Variants in CORIN observed in about 807,000 individuals in gnomAD.
CORIN encodes the protein atrial natriuretic peptide-converting enzyme.
A neutral mutation model predicts 125.3 loss-of-function variants in CORIN; 117 were observed. That is an observed-to-expected ratio of 0.93 (90% CI 0.80 to 1.09). The LOEUF is 1.09. CORIN is among the 50% of genes least tolerant of loss of function. The pLI is 0.00. For synonymous variants in CORIN, 450 were observed against 466.4 expected, an observed-to-expected ratio of 0.96 and a Z score of 0.45; for missense variants, 1,253 against 1,306.7, an observed-to-expected ratio of 0.96 and a Z score of 0.63.
chr4:47,828,605 C>A (rs75531598), intron 1 of CORIN, among the ~76,000 whole-genome samples: 18,728 of 152,106 alleles, frequency 0.12, 1,569 homozygotes, highest in Admixed American at 0.21. Context: ...AGATAATCTC[C>A]CCATCTCAAA....
At position 47,806,890 on chromosome 4, in the gene CORIN, T is replaced by C. The variant is rs1177814479; in HGVS notation, c.208+13A>G. On this transcript the variant is annotated intron_variant, in intron 2 of 21. Transcript: ENST00000273857. ...CTTTAACTTCATTTTTATTTAATAA[T>C]GGCCTCACCCACCAACATAGGAAAG... The C allele has an allele frequency of 6.2e-7, 1 of 1,602,376 alleles. No individual in the cohort carries two copies.
intron 2 of CORIN, among the ~76,000 whole-genome samples, chr4:47,797,446 C>T (rs1298852110): frequency 6.6e-6 from 1 of 151,806 alleles, no homozygotes; most frequent in African/African-American, 2.4e-5. Context: ...AAAGGCCTGT[C>T]AAACTTGCCA....
chr4:47,793,130 C>T (rs1731150424), intron 2 of CORIN, among the ~76,000 whole-genome samples: 1 of 152,100 alleles, frequency 6.6e-6, no homozygotes, highest in Non-Finnish European at 1.5e-5. Context: ...TGATGATTTC[C>T]TCCAGATGCC....
At position 47,693,050 on chromosome 4, in the gene CORIN, G is replaced by A. The variant is rs776140319; in HGVS notation, c.833C>T (p.Ala278Val). ...TTTCCCGGGGATGCAGATTCCACTG[G>A]CACACAGAAAGTTCTCACCCCTTCC... ...LCGRGENFLC[A>V]SGICIPGKLQ... is the part of the protein sequence containing the mutation. Residue 278 changes from alanine (A) to valine (V), a missense_variant, in exon 6 of 22, where the codon GCC becomes GTC. Coordinates refer to ENST00000273857, the MANE Select transcript of CORIN (RefSeq NM_006587.4). The A allele has an allele frequency of 9.9e-6, 16 of 1,613,216 alleles. No homozygotes were observed. The highest frequency in any genetic ancestry group is 1.4e-5 in the Non-Finnish European group (16 of 1,179,648).
chr4:47,745,325 T>C (rs1728613954), intron 4 of CORIN, among the ~76,000 whole-genome samples: 1 of 152,190 alleles, frequency 6.6e-6, no homozygotes, highest in Non-Finnish European at 1.5e-5. Flanking sequence ...CAGGTAATTG[T>C]TTCTACTTTA....
At chr4:47,676,239 G>A (rs528589935) in intron 9 of CORIN, among the ~76,000 whole-genome samples, 3 of 152,114 alleles carry the variant, frequency 2.0e-5, no homozygotes, top group Admixed American at 6.6e-5. Flanking sequence ...GCCCCCTTTC[G>A]TTCTCAGCTC....
At chr4:47,817,100 T>G (rs1179238396) in intron 1 of CORIN, among the ~76,000 whole-genome samples, 1 of 151,996 alleles carries the variant, frequency 6.6e-6, no homozygotes, top group Non-Finnish European at 1.5e-5. Context: ...TCTTATGCCT[T>G]TTTTCCACAG....
At chr4:47,799,106 G>GGAGT in intron 2 of CORIN, among the ~76,000 whole-genome samples, 1 of 141,552 alleles carries the variant, frequency 7.1e-6, no homozygotes, top group South Asian at 2.3e-4. Flanking sequence ...TATCCCATGG[G>GGAGT]GTGTGTGTGT....
intron 6 of CORIN, among the ~76,000 whole-genome samples, chr4:47,684,140 C>A (rs1454403377): frequency 6.6e-6 from 1 of 152,200 alleles, no homozygotes; most frequent in Non-Finnish European, 1.5e-5. Flanking sequence ...AGTTCACCAT[C>A]ATTCCTAATG....
chr4:47,612,260 G>A (rs538368983), intron 19 of CORIN, among the ~76,000 whole-genome samples: 14 of 152,090 alleles, frequency 9.2e-5, no homozygotes, highest in Non-Finnish European at 1.8e-4. Flanking sequence ...TACAGACTGT[G>A]TCACATCACA....
At chr4:47,690,178 C>T (rs1218778530) in intron 6 of CORIN, among the ~76,000 whole-genome samples, 2 of 152,134 alleles carry the variant, frequency 1.3e-5, no homozygotes, top group Non-Finnish European at 2.9e-5. Flanking sequence ...CATTTTCCTG[C>T]AATATGAATG....
At chr4:47,608,535 A>G (rs1203022675) in intron 19 of CORIN, among the ~76,000 whole-genome samples, 2 of 152,244 alleles carry the variant, frequency 1.3e-5, no homozygotes, top group Non-Finnish European at 2.9e-5. Flanking sequence ...CACCAATCCC[A>G]GGGAAAACAA....
intron 5 of CORIN, among the ~76,000 whole-genome samples, chr4:47,715,303 A>C (rs139063191): frequency 6.6e-6 from 1 of 152,336 alleles, no homozygotes; most frequent in African/African-American, 2.4e-5. Flanking sequence ...TTAAAGTCAG[A>C]ATCAAAGAGC....
chr4:47,704,777 G>C (rs1322739401), intron 5 of CORIN, among the ~76,000 whole-genome samples: 1 of 152,144 alleles, frequency 6.6e-6, no homozygotes, highest in Non-Finnish European at 1.5e-5. Context: ...AGATATGTCA[G>C]TGGTGGAGGG....
In CORIN at chr4:47,805,005, G is replaced by A. The variant is rs374268729; in HGVS notation, c.208+1898C>T. On this transcript the variant is annotated intron_variant, in intron 2 of 21. Coordinates refer to ENST00000273857, the MANE Select transcript of CORIN (RefSeq NM_006587.4). ...CAAAAGAATAGCCGGGCGTGGTGGC[G>A]GGCGCCTGTAGTCCCAGCTACTTGG... Among the ~76,000 whole-genome samples the A allele has an allele frequency of 9.2e-4, 139 of 151,184 alleles. 1 individual carries two copies. In the South Asian group the frequency reaches 0.024, roughly 26 times the overall value.
chr4:47,660,778 A>G (rs77930488), intron 12 of CORIN, among the ~76,000 whole-genome samples: 16 of 152,204 alleles, frequency 1.1e-4, no homozygotes, highest in Non-Finnish European at 1.8e-4. Context: ...AGGCTTCTCA[A>G]AAAACTAAAA....
At chr4:47,706,462 C>T (rs911290407) in intron 5 of CORIN, 3 of 1,610,832 alleles carry the variant, frequency 1.9e-6, no homozygotes, top group Non-Finnish European at 2.5e-6. Flanking sequence ...CTGGCAGTAC[C>T]GCCAGCTCTC....
Position 47,603,424 on chromosome 4 carries a change from T to C in CORIN, c.2785A>G (p.Thr929Ala). The change falls in exon 20 of 22, where the codon ACA (threonine) becomes GCA (alanine). Residue 929 changes from threonine to alanine, a missense_variant. Thr to Ala is a moderately conservative substitution (Grantham distance 58, BLOSUM62 0). Coordinates refer to ENST00000273857, the MANE Select transcript of CORIN (RefSeq NM_006587.4). ...WLEPDTYCYITGWGHMGNKMP... is the reference protein window; with the variant it reads ...WLEPDTYCYIAGWGHMGNKMP... ...TTATTGCCCATGTGGCCCCAGCCTG[T>C]GATATAGCAGTACGTGTCAGGCTCT... The C allele has an allele frequency of 6.2e-7, 1 of 1,614,180 alleles. No individual in the cohort carries two copies. The highest frequency in any genetic ancestry group is 1.6e-4 in the Middle Eastern group (1 of 6,062).
At chr4:47,822,566 T>G (rs1160001545) in intron 1 of CORIN, among the ~76,000 whole-genome samples, 1 of 152,234 alleles carries the variant, frequency 6.6e-6, no homozygotes, top group Non-Finnish European at 1.5e-5. Context: ...GTTTTGTAAA[T>G]TACAGGCCAG....
Sources: gnomAD v4.1 joint callset for allele counts (sites outside exome capture counted in the v4.1 genomes callset) on GRCh38, gnomAD v4.1.1 for gene constraint, MANE v1.5 for transcripts, NCBI Gene and HGNC (gene_info 2026-07-23, HGNC 2026-07-21) for gene names.